Variants in TEC observed in about 807,000 individuals in gnomAD.
TEC encodes the protein tec protein tyrosine kinase, also known as tyrosine-protein kinase Tec.
Under a neutral mutation model 93.0 loss-of-function variants are expected in TEC, and 72 were observed. The observed-to-expected ratio is 0.77, with a 90% CI of 0.64 to 0.94. The LOEUF is 0.94. TEC is among the 40% of genes least tolerant of loss of function. TEC has a pLI of 0.00. For synonymous variants in TEC, 249 were observed against 247.7 expected (o/e 1.01, Z -0.05); for missense variants, 630 against 757.9 (o/e 0.83, Z 1.98).
chr4:48,264,128 CA>C (rs1162017747), intron 1 of TEC, among the ~76,000 whole-genome samples: 6 of 152,042 alleles, frequency 3.9e-5, no homozygotes, highest in African/African-American at 9.7e-5. Context: ...GAGACAATAG[CA>C]AAAACATTTT....
At chr4:48,215,128 G>C (rs373247148) in intron 2 of TEC, among the ~76,000 whole-genome samples, 19 of 152,226 alleles carry the variant, frequency 1.2e-4, no homozygotes, top group African/African-American at 4.3e-4. Context: ...ACTCCAGCCT[G>C]GGCTACGAAG....
intron 8 of TEC, among the ~76,000 whole-genome samples, chr4:48,158,997 T>C (rs1319783203): frequency 1.3e-5 from 2 of 151,766 alleles, no homozygotes; most frequent in Admixed American, 1.3e-4. Context: ...AATAAATAAA[T>C]GAATTAACTC....
chr4:48,170,171 C>T, intron 5 of TEC, 77 bp downstream of exon 5: 2 of 1,263,114 alleles, frequency 1.6e-6, no homozygotes, highest in Non-Finnish European at 2.2e-6. Context: ...TTAATCAAAA[C>T]CATGTCACTT....
At chr4:48,204,589 G>A (rs1722640949) in intron 2 of TEC, among the ~76,000 whole-genome samples, 1 of 152,134 alleles carries the variant, frequency 6.6e-6, no homozygotes, top group Non-Finnish European at 1.5e-5. Context: ...ACGCTTTTTG[G>A]CACCAGGGAA....
chr4:48,184,260 A>G (rs760995882), intron 2 of TEC, among the ~76,000 whole-genome samples: 5 of 152,230 alleles, frequency 3.3e-5, no homozygotes, highest in Admixed American at 6.5e-5. Context: ...TTTGAACTTT[A>G]ATTCCAATCC....
intron 11 of TEC, among the ~76,000 whole-genome samples, chr4:48,149,249 A>G (rs1720057287): frequency 6.6e-6 from 1 of 152,168 alleles, no homozygotes; most frequent in Non-Finnish European, 1.5e-5. Context: ...AGGAATCATC[A>G]CACTGTCTTC....
chr4:48,196,979 A>G (rs1278152616), intron 2 of TEC, among the ~76,000 whole-genome samples: 6 of 152,192 alleles, frequency 3.9e-5, no homozygotes, highest in South Asian at 2.1e-4. Flanking sequence ...GTTAGGAACA[A>G]TTGATCTCTG....
rs140626822 is a variant in TEC at position 48,242,231 on chromosome 4, A to G, written c.-45-13572T>C. ...ATGTTACACGTATACATAAATCTCA[A>G]TTCCATTACATATCAATTTCTCAAA... On this transcript the variant is annotated intron_variant, in intron 1 of 17. Coordinates refer to ENST00000381501, the MANE Select transcript of TEC (RefSeq NM_003215.3). Among the ~76,000 whole-genome samples, 608 of 152,318 alleles carry G rather than the reference A, an allele frequency of 4.0e-3. 14 individuals carry two copies. Among genetic ancestry groups the G allele is most frequent in the Admixed American group, 0.028 (427 of 15,300 alleles).
rs1399616619 is a variant in TEC at position 48,167,796 on chromosome 4, C to G, written c.653G>C (p.Arg218Thr). 2 of 1,613,722 alleles carry G rather than the reference C, an allele frequency of 1.2e-6. No homozygotes were observed. The highest frequency in any genetic ancestry group is 2.2e-5 in the South Asian group (2 of 91,050). ...TACTTACCCATATTTATCTCTTGCT[C>G]TCCACCAATGAACATCATTCTTTTC... The part of the protein sequence containing the change: ...ILEKNDVHWW[R>T]ARDKYGNEGY... The change falls in exon 7 of 18, where the codon AGA (arginine) becomes ACA (threonine). Residue 218 changes from arginine (R) to threonine (T), a missense_variant. Arg to Thr is a moderately conservative substitution (Grantham distance 71). Transcript: ENST00000381501.
intron 8 of TEC, among the ~76,000 whole-genome samples, chr4:48,160,503 G>T (rs891147389): frequency 1.3e-5 from 2 of 152,060 alleles, no homozygotes; most frequent in Admixed American, 1.3e-4. Context: ...AAGGCCAGTG[G>T]ATCACTTCAG....
intron 4 of TEC, 135 bp downstream of exon 4, chr4:48,171,233 T>C: frequency 1.4e-6 from 1 of 701,756 alleles, no homozygotes; most frequent in Non-Finnish European, 2.3e-6. Flanking sequence ...AACAACAGCA[T>C]ATCCTTGGAG....
At chr4:48,262,320 C>T (rs1724517258) in intron 1 of TEC, among the ~76,000 whole-genome samples, 1 of 150,216 alleles carries the variant, frequency 6.7e-6, no homozygotes, top group African/African-American at 2.4e-5. Flanking sequence ...CCTCAGCCTC[C>T]CGAGTAGCTG....
intron 8 of TEC, among the ~76,000 whole-genome samples, chr4:48,159,787 G>C (rs1720550664): frequency 6.6e-6 from 1 of 152,036 alleles, no homozygotes; most frequent in African/African-American, 2.4e-5. Flanking sequence ...CAAGCAATCT[G>C]CCCACCTCAG....
At chr4:48,165,293 C>A (rs190322840) in intron 7 of TEC, among the ~76,000 whole-genome samples, 24 of 152,274 alleles carry the variant, frequency 1.6e-4, no homozygotes, top group African/African-American at 5.8e-4. Flanking sequence ...GCTCAGTCAT[C>A]AACTCATTAT....
chr4:48,206,061 G>GA (rs1722704106), intron 2 of TEC, among the ~76,000 whole-genome samples: 1 of 152,086 alleles, frequency 6.6e-6, no homozygotes, highest in Admixed American at 6.5e-5. Context: ...ATGCTTAGTG[G>GA]AAAAAACCAG....
At chr4:48,163,048 T>TAAAACAACCTAAACCACAC in intron 8 of TEC, among the ~76,000 whole-genome samples, 1 of 152,158 alleles carries the variant, frequency 6.6e-6, no homozygotes, top group South Asian at 2.1e-4. Context: ...CAAAGGTACC[T>TAAAACAACCTAAACCACAC]AAAACAACCT....
At chr4:48,145,049 A>G (rs1172090780) in intron 14 of TEC, 30 bp downstream of exon 14, 2 of 1,601,392 alleles carry the variant, frequency 1.2e-6, no homozygotes, top group East Asian at 4.5e-5. Context: ...AATTCAGCCA[A>G]TGAGTGGGAA....
rs564631200 is a variant in TEC at position 48,137,646 on chromosome 4, T to C, written c.1813-147A>G. 6.1e-5 allele frequency: 40 copies of C among 651,238 alleles called. No individual in the cohort carries two copies. In the South Asian group the frequency reaches 7.5e-4, roughly 12 times the overall value. 40.3% of individuals were successfully genotyped at this position (651,238 alleles called of 1,614,324 possible). On this transcript the variant is annotated intron_variant, in intron 17 of 17. Coordinates refer to ENST00000381501, the MANE Select transcript of TEC (RefSeq NM_003215.3). Reference sequence around the variant, plus strand: ...TACAGGCATCTCCAAAGGGGTCTTGTCTCTACCCTAATTTACCCTGCATGT... The same window carrying C: ...TACAGGCATCTCCAAAGGGGTCTTGCCTCTACCCTAATTTACCCTGCATGT...
intron 2 of TEC, among the ~76,000 whole-genome samples, chr4:48,207,245 G>C (rs1722744967): frequency 6.6e-6 from 1 of 152,124 alleles, no homozygotes; most frequent in African/African-American, 2.4e-5. Context: ...GAATGAAGCT[G>C]AAAAGGTAGA....
Sources: allele counts gnomAD v4.1 joint callset (sites outside exome capture counted in the v4.1 genomes callset), GRCh38; gene constraint gnomAD v4.1.1; transcripts MANE v1.5; gene names NCBI Gene and HGNC (gene_info 2026-07-23, HGNC 2026-07-21).